Variants in PTPN14 observed in about 807,000 individuals in gnomAD.
PTPN14 encodes the protein tyrosine-protein phosphatase non-receptor type 14.
Under a neutral mutation model 126.8 loss-of-function variants are expected in PTPN14, and 53 were observed. The observed-to-expected ratio is 0.42, with a 90% CI of 0.34 to 0.53. The LOEUF is 0.53. PTPN14 is among the 20% of genes least tolerant of loss of function. The pLI is 0.08. For missense variants in PTPN14, 1,257 were observed against 1,552.9 expected (o/e 0.81, Z 3.20); for synonymous variants, 630 against 599.3 (o/e 1.05, Z -0.75).
intron 13 of PTPN14, among the ~76,000 whole-genome samples, chr1:214,379,516 A>C (rs1009958887): frequency 4.6e-5 from 7 of 152,330 alleles, no homozygotes; most frequent in African/African-American, 1.4e-4. Flanking sequence ...AGAGGAGGTT[A>C]CTGGGAGAAA....
rs1658861013 is a variant in PTPN14, at chr1:214,395,634, C to CACACACACAG, written c.759-649_759-648insCTGTGTGTGT. On this transcript the variant is annotated intron_variant, in intron 8 of 18. Transcript: ENST00000366956. ...ACACACACACACACACACACACACACAGAGTTTCCTTCCCTGTCTTCATGG... is the reference window on the plus strand; with the variant it reads ...ACACACACACACACACACACACACACACACACACAGAGAGTTTCCTTCCCTGTCTTCATGG... Among the ~76,000 whole-genome samples the CACACACACAG allele has an allele frequency of 2.0e-5, 3 of 147,504 alleles. No homozygotes were observed. The South Asian group carries it at 6.7e-4, about 33-fold the overall frequency.
At chr1:214,482,429 T>A (rs1661010928) in intron 1 of PTPN14, among the ~76,000 whole-genome samples, 1 of 152,226 alleles carries the variant, frequency 6.6e-6, no homozygotes, top group South Asian at 2.1e-4. Flanking sequence ...GCAGAAGGAA[T>A]TAAGGAATGC....
chr1:214,388,770 C>G (rs3013442), intron 11 of PTPN14, among the ~76,000 whole-genome samples: 124,680 of 152,166 alleles, frequency 0.82, 51,788 homozygotes, highest in African/African-American at 0.96. Context: ...AGAAGAATCT[C>G]AGATCAAACC....
intron 1 of PTPN14, among the ~76,000 whole-genome samples, chr1:214,547,230 A>T (rs1655994795): frequency 6.6e-6 from 1 of 152,140 alleles, no homozygotes; most frequent in Non-Finnish European, 1.5e-5. Context: ...CTCCCCTCCT[A>T]TTACAAAAGT....
At chr1:214,492,950 G>C (rs1192744983) in intron 1 of PTPN14, among the ~76,000 whole-genome samples, 9 of 151,976 alleles carry the variant, frequency 5.9e-5, no homozygotes, top group African/African-American at 1.7e-4. Context: ...CATAGCAGGA[G>C]GGTATGAGGG....
At chr1:214,395,561 T>C (rs1658857463) in intron 8 of PTPN14, among the ~76,000 whole-genome samples, 1 of 149,184 alleles carries the variant, frequency 6.7e-6, no homozygotes, top group African/African-American at 2.5e-5. Flanking sequence ...ATTGACTCTC[T>C]AATGTGCCTA....
At chr1:214,500,482 C>T (rs962930603) in intron 1 of PTPN14, among the ~76,000 whole-genome samples, 2 of 152,178 alleles carry the variant, frequency 1.3e-5, no homozygotes, top group African/African-American at 4.8e-5. Context: ...AAGAAAGCCA[C>T]CAACACCCTC....
chr1:214,544,328 G>T (rs571798263), intron 1 of PTPN14, among the ~76,000 whole-genome samples: 1 of 152,240 alleles, frequency 6.6e-6, no homozygotes, highest in African/African-American at 2.4e-5. Context: ...CTACTTGAGA[G>T]GCTGAGGTAG....
At chr1:214,470,366 A>G (rs1204297270) in intron 1 of PTPN14, among the ~76,000 whole-genome samples, 1 of 152,130 alleles carries the variant, frequency 6.6e-6, no homozygotes, top group East Asian at 1.9e-4. Context: ...CTAATTTCAA[A>G]ACAATCTTCT....
At chr1:214,505,004 A>C (rs1654798658) in intron 1 of PTPN14, among the ~76,000 whole-genome samples, 1 of 152,130 alleles carries the variant, frequency 6.6e-6, no homozygotes, top group South Asian at 2.1e-4. Flanking sequence ...AGATAGGTTT[A>C]AGGAAAAAGT....
At chr1:214,403,536 T>C (rs914390666) in intron 5 of PTPN14, among the ~76,000 whole-genome samples, 1 of 152,182 alleles carries the variant, frequency 6.6e-6, no homozygotes, top group Non-Finnish European at 1.5e-5. Context: ...TCAGCATCTC[T>C]ACCAGCTGAA....
chr1:214,462,575 T>G (rs749766903), intron 2 of PTPN14, among the ~76,000 whole-genome samples: 2 of 152,180 alleles, frequency 1.3e-5, no homozygotes, highest in African/African-American at 2.4e-5. Context: ...ATGTTCATCT[T>G]CCATCAACTC....
chr1:214,357,370 G>C lies in PTPN14; in HGVS notation c.*552C>G, dbSNP rs916120829. 6.6e-6 allele frequency: 1 copy of C among 152,110 alleles called. No homozygotes were observed. Among genetic ancestry groups the C allele is most frequent in the East Asian group, 1.9e-4 (1 of 5,190 alleles). 9.4% of individuals were successfully genotyped at this position (152,110 alleles called of 1,614,324 possible). On this transcript the variant is annotated 3_prime_UTR_variant, in exon 19 of 19. Transcript: ENST00000366956. ...GTGGAAATGAAGACGAGAGGAAACTGTCTATCAAGGCTCATGAGCCCCAAA... is the reference window on the plus strand; with the variant it reads ...GTGGAAATGAAGACGAGAGGAAACTCTCTATCAAGGCTCATGAGCCCCAAA...
intron 3 of PTPN14, among the ~76,000 whole-genome samples, chr1:214,449,024 T>TTTTTTTTTTTTTTTTTTG (rs1553267715): frequency 7.1e-6 from 1 of 141,758 alleles, no homozygotes; most frequent in African/African-American, 2.7e-5. Flanking sequence ...TTTTTTTTTT[T>TTTTTTTTTTTTTTTTTTG]GAGACGGAGT....
intron 1 of PTPN14, among the ~76,000 whole-genome samples, chr1:214,469,559 T>G (rs1452774347): frequency 1.3e-5 from 2 of 152,200 alleles, no homozygotes; most frequent in African/African-American, 4.8e-5. Flanking sequence ...AAATGCCACA[T>G]GCTCATAGAA....
intron 1 of PTPN14, among the ~76,000 whole-genome samples, chr1:214,500,512 T>G (rs1028674435): frequency 6.6e-5 from 10 of 152,194 alleles, no homozygotes; most frequent in Non-Finnish European, 1.0e-4. Context: ...CTTGGTGAAC[T>G]GACAGCTCTT....
At position 214,402,822 on chromosome 1, in the gene PTPN14, C is replaced by T. The variant is rs1046928459; in HGVS notation, c.581+61G>A. The T allele has an allele frequency of 2.5e-6, 4 of 1,569,508 alleles. No homozygotes were observed. In the Admixed American group the frequency reaches 6.7e-5, roughly 26 times the overall value. On this transcript the variant is annotated intron_variant, in intron 6 of 18. Coordinates refer to ENST00000366956, the MANE Select transcript of PTPN14 (RefSeq NM_005401.5). The stretch of plus-strand genomic sequence containing the variant: ...TTGCTGATAGGGAGATGGATGCCTC[C>T]TGCCCCATGGGCTGTAAACATCTGT...
intron 11 of PTPN14, among the ~76,000 whole-genome samples, chr1:214,388,810 T>C (rs1658684343): frequency 6.6e-6 from 1 of 152,220 alleles, no homozygotes; most frequent in African/African-American, 2.4e-5. Context: ...GGGGTCACAC[T>C]TTCTCAGCAT....
intron 1 of PTPN14, among the ~76,000 whole-genome samples, chr1:214,548,895 C>G (rs978035645): frequency 6.6e-6 from 1 of 152,156 alleles, no homozygotes; most frequent in Non-Finnish European, 1.5e-5. Context: ...ACAGTATGCA[C>G]AAATCTGAAT....
Sources: gnomAD v4.1 joint callset for allele counts (sites outside exome capture counted in the v4.1 genomes callset) on GRCh38, gnomAD v4.1.1 for gene constraint, MANE v1.5 for transcripts, NCBI Gene and HGNC (gene_info 2026-07-23, HGNC 2026-07-21) for gene names.